The following CAST variants were observed in gnomAD, a reference collection of about 807,000 sequenced individuals.
CAST encodes the protein MIR583 host.
Under a neutral mutation model 119.6 loss-of-function variants are expected in CAST, and 76 were observed. That is an observed-to-expected ratio of 0.64 (90% CI 0.53 to 0.77). CAST has a LOEUF of 0.77. Among genes scored for constraint, CAST ranks in the 30% least tolerant of loss-of-function variants. The probability of loss-of-function intolerance (pLI) is 0.00; values close to 1 mark genes in which losing one functional copy is unlikely to be tolerated. For synonymous variants in CAST, 319 were observed against 331.6 expected, an observed-to-expected ratio of 0.96 and a Z score of 0.41; for missense variants, 953 against 946.5, an observed-to-expected ratio of 1.01 and a Z score of -0.09.
At chr5:96,707,974 A>G (rs1374130265) in intron 3 of CAST, among the ~76,000 whole-genome samples, 3 of 152,142 alleles carry the variant, frequency 2.0e-5, no homozygotes, top group Non-Finnish European at 4.4e-5. Flanking sequence ...GGAAGGTAGC[A>G]GGGAATAGAA....
At chr5:96,393,813 C>T in the CAST span, among the ~76,000 whole-genome samples, 2 of 152,186 alleles carry the variant, frequency 1.3e-5, no homozygotes, top group African/African-American at 4.8e-5. Context: ...CCTGGAGGCA[C>T]TGGCTTTCAG....
chr5:96,091,857 C>T, the CAST span, among the ~76,000 whole-genome samples: 3 of 152,144 alleles, frequency 2.0e-5, no homozygotes, highest in African/African-American at 7.2e-5. Flanking sequence ...AACAATGGCA[C>T]CTGCCTCGTG....
chr5:96,669,981 C>T (rs1749855374), intron 1 of CAST, among the ~76,000 whole-genome samples: 1 of 152,134 alleles, frequency 6.6e-6, no homozygotes, highest in Non-Finnish European at 1.5e-5. Flanking sequence ...AAAAGCTTCC[C>T]AGGTGCTTGT....
At chr5:96,333,897 G>A in the CAST span, among the ~76,000 whole-genome samples, 4 of 152,172 alleles carry the variant, frequency 2.6e-5, no homozygotes, top group African/African-American at 9.7e-5. Context: ...GGAGTACAGT[G>A]CAGCTTCAAC....
At chr5:96,618,528 GA>G (rs1433490491) in intron 1 of CAST, among the ~76,000 whole-genome samples, 6 of 152,248 alleles carry the variant, frequency 3.9e-5, no homozygotes, top group African/African-American at 1.4e-4. Context: ...GCACGGGTGG[GA>G]ACCGGGGCTG....
chr5:96,764,895 C>T (rs1769297178), intron 25 of CAST, among the ~76,000 whole-genome samples: 1 of 152,136 alleles, frequency 6.6e-6, no homozygotes, highest in South Asian at 2.1e-4. Context: ...TTTATGTGAC[C>T]TCCAGGTCAC....
At chr5:96,370,934 G>A in the CAST span, among the ~76,000 whole-genome samples, 2 of 152,110 alleles carry the variant, frequency 1.3e-5, no homozygotes, top group Non-Finnish European at 2.9e-5. Flanking sequence ...CCTAAATGAA[G>A]CCAAGTTAAT....
the CAST span, among the ~76,000 whole-genome samples, chr5:96,017,612 C>T: frequency 1.3e-5 from 2 of 152,122 alleles, no homozygotes; most frequent in African/African-American, 4.8e-5. Flanking sequence ...AGTTATATAA[C>T]ACTTGACATC....
At chr5:96,068,487 A>G in the CAST span, among the ~76,000 whole-genome samples, 1,239 of 151,824 alleles carry the variant, frequency 8.2e-3, 22 homozygotes, top group African/African-American at 0.029. Flanking sequence ...AGCTCCATCC[A>G]TTCATGGAGC....
intron 2 of CAST, among the ~76,000 whole-genome samples, chr5:96,690,381 G>T (rs152020): frequency 0.23 from 35,176 of 151,740 alleles, 5,065 homozygotes; most frequent in African/African-American, 0.4. Context: ...ACAGACATGC[G>T]CCATTACACC....
At chr5:96,735,099 C>T (rs1252102935) in intron 9 of CAST, among the ~76,000 whole-genome samples, 1 of 152,148 alleles carries the variant, frequency 6.6e-6, no homozygotes. Flanking sequence ...CCCTAGTGGC[C>T]CCCACAGTGT....
At chr5:96,561,229 C>T (rs564415038) in intron 1 of CAST, among the ~76,000 whole-genome samples, 2 of 148,650 alleles carry the variant, frequency 1.3e-5, no homozygotes, top group Non-Finnish European at 3.0e-5. Context: ...AGACGGATAG[C>T]ATTAGGAGAT....
chr5:96,121,815 T>C, the CAST span, among the ~76,000 whole-genome samples: 1 of 152,100 alleles, frequency 6.6e-6, no homozygotes, highest in Non-Finnish European at 1.5e-5. Flanking sequence ...GAAGGGACTA[T>C]TACTAAGCAA....
At chr5:96,399,924 A>G in the CAST span, 9 of 1,513,194 alleles carry the variant, frequency 5.9e-6, no homozygotes, top group Non-Finnish European at 8.3e-6. Flanking sequence ...ATGGGCACAC[A>G]TGTGTTTAAA....
chr5:96,432,027 G>T, the CAST span: 1 of 1,263,526 alleles, frequency 7.9e-7, no homozygotes, highest in Non-Finnish European at 1.1e-6. Context: ...TATCGACCAA[G>T]CCTTCACTTG....
intron 2 of CAST, among the ~76,000 whole-genome samples, chr5:96,690,240 A>AT (rs11377115): frequency 0.051 from 7,776 of 150,994 alleles, 250 homozygotes; most frequent in African/African-American, 0.077. Context: ...TTATTTATCT[A>AT]TTTTTTTTTG....
chr5:96,300,021 T>C, the CAST span, among the ~76,000 whole-genome samples: 2 of 152,304 alleles, frequency 1.3e-5, no homozygotes, highest in East Asian at 1.9e-4. Flanking sequence ...CCTTATCAAA[T>C]GTATGGCTTG....
chr5:96,468,358 C>T, the CAST span, among the ~76,000 whole-genome samples: 2 of 152,072 alleles, frequency 1.3e-5, no homozygotes, highest in African/African-American at 2.4e-5. Flanking sequence ...CCAAAAACCA[C>T]TTGTGCCTCC....
chr5:96,754,024 A>G, intron 20 of CAST, 36 bp from the exon 21 acceptor site: 8 of 1,242,576 alleles, frequency 6.4e-6, no homozygotes, highest in Non-Finnish European at 9.5e-6. Flanking sequence ...GGAGTGATTA[A>G]CCACCTACTT....
Sources: allele counts gnomAD v4.1 joint callset (sites outside exome capture counted in the v4.1 genomes callset), GRCh38; gene constraint gnomAD v4.1.1; transcripts MANE v1.5; gene names NCBI Gene and HGNC (gene_info 2026-07-23, HGNC 2026-07-21).